MFNG: variants seen among roughly 807,000 people sequenced by gnomAD.
The protein encoded by MFNG is MFNG O-fucosylpeptide 3-beta-N-acetylglucosaminyltransferase.
MFNG carries 24 observed loss-of-function variants against 34.2 expected under a neutral mutation model. The observed-to-expected ratio is 0.70, with a 90% CI of 0.51 to 0.99. The LOEUF is 0.99. MFNG is among the 50% of genes least tolerant of loss of function. MFNG has a pLI of 0.00. For missense variants in MFNG, 383 were observed against 424.0 expected, an observed-to-expected ratio of 0.90 and a Z score of 0.85; for synonymous variants, 158 against 179.2, an observed-to-expected ratio of 0.88 and a Z score of 0.94.
chr22:37,479,923 G>T (rs1450988041), intron 3 of MFNG, among the ~76,000 whole-genome samples: 1 of 152,098 alleles, frequency 6.6e-6, no homozygotes, highest in Non-Finnish European at 1.5e-5. Context: ...AGAATCGCTT[G>T]AATCCAGGAG....
chr22:37,475,893 G>A (rs935475211), intron 5 of MFNG, among the ~76,000 whole-genome samples: 2 of 152,206 alleles, frequency 1.3e-5, no homozygotes, highest in African/African-American at 4.8e-5. Flanking sequence ...CCAGGACAAT[G>A]AGCCCGCTCT....
In MFNG at chr22:37,469,637, G is replaced by A. The variant is rs1921715712; in HGVS notation, c.*326C>T. ...GACCCCACCCAGAGGCCATGTCACTGCCTAAAGGGTTAGGACCCCTGAGCC... is the reference window on the plus strand; with the variant it reads ...GACCCCACCCAGAGGCCATGTCACTACCTAAAGGGTTAGGACCCCTGAGCC... On this transcript the variant is annotated 3_prime_UTR_variant, in exon 8 of 8. Transcript: ENST00000356998. 1 of 419,078 alleles carries A rather than the reference G, an allele frequency of 2.4e-6. No homozygotes were observed. The highest frequency in any genetic ancestry group is 2.0e-5 in the African/African-American group (1 of 49,120). 26.0% of individuals were successfully genotyped at this position (419,078 alleles called of 1,614,324 possible). A position where few individuals can be genotyped will look rare whatever the true frequency, so the allele number is the denominator to read the frequency against.
intron 4 of MFNG, among the ~76,000 whole-genome samples, chr22:37,477,450 CT>C (rs1013684096): frequency 1.6e-3 from 228 of 145,808 alleles, no homozygotes; most frequent in Admixed American, 1.9e-3. Flanking sequence ...ATCACTAACA[CT>C]TTTTTTTTTT....
Position 37,486,294 on chromosome 22 carries a change from G to T in MFNG, c.-117C>A. On this transcript the variant is annotated 5_prime_UTR_variant, in exon 1 of 8. Coordinates refer to ENST00000356998, the MANE Select transcript of MFNG (RefSeq NM_002405.4). ...AAAGTCTGGCAGGCATCAGGGGCTG[G>T]CAAGGAGGGAAGAGGTAGGAGCTGA... 5 of 1,211,800 alleles carry T rather than the reference G, an allele frequency of 4.1e-6. No individual in the cohort carries two copies. The highest frequency in any genetic ancestry group is 5.5e-6 in the Non-Finnish European group (5 of 906,406). 75.1% of individuals were successfully genotyped at this position (1,211,800 alleles called of 1,614,324 possible).
rs201117885 is a variant in MFNG at position 37,480,710 on chromosome 22, G to A, written c.304+11C>T. The A allele has an allele frequency of 1.2e-6, 2 of 1,613,026 alleles. No homozygotes were observed. The highest frequency in any genetic ancestry group is 1.7e-6 in the Non-Finnish European group (2 of 1,179,388). On this transcript the variant is annotated intron_variant, in intron 2 of 7. Transcript: ENST00000356998. ...AAAGTCCCCCACCACACCCAGGCCG[G>A]GCAGAGTTACCCAGTCTCTCCTGGA...
intron 4 of MFNG, among the ~76,000 whole-genome samples, chr22:37,477,529 C>T (rs530725724): frequency 3.9e-5 from 6 of 152,248 alleles, no homozygotes; most frequent in African/African-American, 1.4e-4. Flanking sequence ...TCACTGCAAC[C>T]TCCGCCTCCC....
rs545814055 is a variant in MFNG, at chr22:37,482,481, G to A, written c.256-1712C>T. On this transcript the variant is annotated intron_variant, in intron 1 of 7. Transcript: ENST00000356998. This position sits in a 1 kb window ranked among gnomAD's most constrained non-coding sequence, Gnocchi z 4.1. ...CGCATACACACACACACACACACAC[G>A]CACGTGCGCACGCCTCTGAGCCTCT... 2.4e-4 allele frequency among the ~76,000 whole-genome samples: 36 copies of A among 148,878 alleles called. No individual in the cohort carries two copies. Among genetic ancestry groups the A allele is most frequent in the African/African-American group, 6.4e-4 (26 of 40,354 alleles).
In MFNG at chr22:37,479,776, G is replaced by A. The variant is rs1442661601; in HGVS notation, c.408-278C>T. Among the ~76,000 whole-genome samples, 15 of 152,122 alleles carry A rather than the reference G, an allele frequency of 9.9e-5. 1 individual carries two copies. The highest frequency in any genetic ancestry group is 9.8e-4 in the Admixed American group (15 of 15,270). On this transcript the variant is annotated intron_variant, in intron 3 of 7. Coordinates refer to ENST00000356998, the MANE Select transcript of MFNG (RefSeq NM_002405.4). ...CCCAGCACTTTAGGAGGCCGAGGCA[G>A]GTGAATCACCTGAGGTCAGGAGTTC...
intron 3 of MFNG, 121 bp from the exon 4 acceptor site, chr22:37,479,619 T>A: frequency 1.6e-6 from 2 of 1,269,208 alleles, no homozygotes; most frequent in Non-Finnish European, 2.2e-6. Flanking sequence ...GGCTGACATT[T>A]AAGGCATCTG....
At chr22:37,474,125 T>C (rs1921932309) in intron 6 of MFNG, among the ~76,000 whole-genome samples, 1 of 152,100 alleles carries the variant, frequency 6.6e-6, no homozygotes, top group African/African-American at 2.4e-5. Context: ...CAGGTAAAAT[T>C]AGAAGAGCCA....
rs1016688595 is a variant in MFNG, at chr22:37,480,872, T to G, written c.256-103A>C. ...AGGCCCCAGATGGACTCTGTACTCCTCCAGTGACAGACACACCCCTCTCAT... is the reference window on the plus strand; with the variant it reads ...AGGCCCCAGATGGACTCTGTACTCCGCCAGTGACAGACACACCCCTCTCAT... On this transcript the variant is annotated intron_variant, in intron 1 of 7. Coordinates refer to ENST00000356998, the MANE Select transcript of MFNG (RefSeq NM_002405.4). 6 of 968,526 alleles carry G rather than the reference T, an allele frequency of 6.2e-6. No homozygotes were observed. In the Middle Eastern group the frequency reaches 6.2e-4, roughly 101 times the overall value. The allele number at this position is 968,526 out of a possible 1,614,324, so 60.0% of individuals were successfully genotyped here.
rs1921715083 is a variant in MFNG at position 37,469,616 on chromosome 22, C to A, written c.*347G>T. 2 of 391,562 alleles carry A rather than the reference C, an allele frequency of 5.1e-6. No individual in the cohort carries two copies. Among genetic ancestry groups the A allele is most frequent in the Non-Finnish European group, 9.8e-6 (2 of 203,518 alleles). 24.3% of individuals were successfully genotyped at this position (391,562 alleles called of 1,614,324 possible). ...ATTAGCCAGGGCCAACGGCCAGACCCCACCCAGAGGCCATGTCACTGCCTA... is the reference window on the plus strand; with the variant it reads ...ATTAGCCAGGGCCAACGGCCAGACCACACCCAGAGGCCATGTCACTGCCTA... On this transcript the variant is annotated 3_prime_UTR_variant, in exon 8 of 8. Transcript: ENST00000356998.
rs930266652 is a variant in MFNG, at chr22:37,482,456, CGCAT to C, written c.256-1691_256-1688del. Among the ~76,000 whole-genome samples, 10 of 149,932 alleles carry C rather than the reference CGCAT, an allele frequency of 6.7e-5. No individual in the cohort carries two copies. The highest frequency in any genetic ancestry group is 5.3e-4 in the Admixed American group (8 of 15,020). On this transcript the variant is annotated intron_variant, in intron 1 of 7. Transcript: ENST00000356998. This position sits in a 1 kb window ranked among gnomAD's most constrained non-coding sequence, Gnocchi z 4.1. ...ACACACACACACGCACACACACGCA[CGCAT>C]ACACACACACACACACACACGCACG...
chr22:37,480,069 T>G, intron 3 of MFNG, 128 bp downstream of exon 3: 1 of 672,188 alleles, frequency 1.5e-6, no homozygotes, highest in Non-Finnish European at 2.5e-6. Context: ...GGAACCCAGC[T>G]GGACTTCCCA....
chr22:37,470,272 A>C (rs1446673030), intron 7 of MFNG, among the ~76,000 whole-genome samples: 1 of 152,192 alleles, frequency 6.6e-6, no homozygotes, highest in Non-Finnish European at 1.5e-5. Flanking sequence ...CATAAGAATC[A>C]AAAATGTCTC....
chr22:37,481,678 C>T (rs1295454124), intron 1 of MFNG, among the ~76,000 whole-genome samples: 1 of 152,242 alleles, frequency 6.6e-6, no homozygotes, highest in Non-Finnish European at 1.5e-5. Flanking sequence ...ACCCATTGAG[C>T]ATCAGGGGCC....
Position 37,472,502 on chromosome 22 carries a change from C to T in MFNG, c.840G>A (p.Glu280=), listed in dbSNP as rs1921855886. 1.3e-6 allele frequency: 2 copies of T among 1,582,248 alleles called. No individual in the cohort carries two copies. The highest frequency in any genetic ancestry group is 1.7e-6 in the Non-Finnish European group (2 of 1,167,112). ...GTAGCTTAATGACGTTGAGTTTCCC[C>T]TCAAAGACACCGTAGCTGAGGGTGA... The part of the protein sequence containing the change: ...EQVTLSYGVF[E]GKLNVIKLQG... Residue 280 remains glutamate, a synonymous_variant, in exon 7 of 8, where the codon GAG becomes GAA. Transcript: ENST00000356998.
Position 37,482,032 on chromosome 22 carries a change from G to A in MFNG, c.256-1263C>T, listed in dbSNP as rs1323145448. Among the ~76,000 whole-genome samples, 1 of 152,252 alleles carries A rather than the reference G, an allele frequency of 6.6e-6. No homozygotes were observed. Among genetic ancestry groups the A allele is most frequent in the Non-Finnish European group, 1.5e-5 (1 of 68,036 alleles). Reference sequence around the variant, plus strand: ...AGAGCAAGGAAGAGTTGACAGTGAAGTCAGGCTCAACTACTTGTATTTCAG... The same window carrying A: ...AGAGCAAGGAAGAGTTGACAGTGAAATCAGGCTCAACTACTTGTATTTCAG... On this transcript the variant is annotated intron_variant, in intron 1 of 7. Coordinates refer to ENST00000356998, the MANE Select transcript of MFNG (RefSeq NM_002405.4). The surrounding 1 kb of genome is among the most constrained non-coding windows in gnomAD (Gnocchi z 4.1).
At chr22:37,479,531 T>TG (rs756530870) in intron 3 of MFNG, 33 bp from the exon 4 acceptor site, 34 of 1,605,272 alleles carry the variant, frequency 2.1e-5, no homozygotes, top group East Asian at 4.5e-5. Context: ...GTGAACTTGT[T>TG]GGGGGGGTTC....
Sources: gnomAD v4.1 joint callset for allele counts (sites outside exome capture counted in the v4.1 genomes callset) on GRCh38, gnomAD v4.1.1 for gene constraint, Gnocchi (gnomAD v3.1) non-coding constraint, MANE v1.5 for transcripts, NCBI Gene and HGNC (gene_info 2026-07-23, HGNC 2026-07-21) for gene names.